Variants in SLC14A2 observed in about 807,000 individuals in gnomAD.
SLC14A2 encodes the protein urea transporter 2.
SLC14A2 carries 91 observed loss-of-function variants against 104.6 expected under a neutral mutation model. The observed-to-expected ratio is 0.87, with a 90% confidence interval of 0.73 to 1.04. The LOEUF (loss-of-function observed/expected upper bound fraction) is 1.04, where lower values mean the gene tolerates loss of function less well. Ranked by LOEUF, SLC14A2 falls within the 50% of genes least tolerant of loss-of-function variation. The pLI is 0.00. For synonymous variants in SLC14A2, 476 were observed against 466.4 expected (o/e 1.02, Z -0.27); for missense variants, 1,189 against 1,156.0 (o/e 1.03, Z -0.41).
chr18:45,339,164 A>ATG (rs1375825688), intron 1 of SLC14A2, among the ~76,000 whole-genome samples: 2 of 152,038 alleles, frequency 1.3e-5, no homozygotes, highest in Non-Finnish European at 2.9e-5. Flanking sequence ...GGGTTTTGCC[A>ATG]TGTTGGCCAG....
chr18:45,597,236 A>C (rs952884436), intron 2 of SLC14A2, among the ~76,000 whole-genome samples: 5 of 152,158 alleles, frequency 3.3e-5, no homozygotes, highest in Admixed American at 3.3e-4. Flanking sequence ...CTGAGGCAGG[A>C]GAATTGCTTG....
chr18:45,267,297 A>G (rs2084601709), intron 1 of SLC14A2, among the ~76,000 whole-genome samples: 1 of 152,122 alleles, frequency 6.6e-6, no homozygotes. Context: ...CCCCAAGTTC[A>G]GACCTCTTAG....
chr18:45,507,701 G>A (rs2043307158), intron 2 of SLC14A2, among the ~76,000 whole-genome samples: 1 of 152,156 alleles, frequency 6.6e-6, no homozygotes, highest in Non-Finnish European at 1.5e-5. Context: ...TGCCGTTTGG[G>A]GAGCGGACAT....
chr18:45,181,764 C>T, the SLC14A2 span, among the ~76,000 whole-genome samples: 2 of 151,878 alleles, frequency 1.3e-5, no homozygotes, highest in African/African-American at 4.8e-5. Flanking sequence ...ATTTGAAACT[C>T]ATAAGAAATA....
chr18:45,470,971 A>G (rs1412680391), intron 1 of SLC14A2, among the ~76,000 whole-genome samples: 3 of 149,786 alleles, frequency 2.0e-5, no homozygotes, highest in Non-Finnish European at 4.5e-5. Context: ...GTGTTCTCAA[A>G]TCATAATTTC....
At chr18:45,510,919 CAT>C (rs2144787056) in intron 2 of SLC14A2, among the ~76,000 whole-genome samples, 1 of 152,326 alleles carries the variant, frequency 6.6e-6, no homozygotes, top group African/African-American at 2.4e-5. Context: ...CACTCACACA[CAT>C]GCACACCAAA....
Position 45,621,999 on chromosome 18 carries a change from T to C in SLC14A2, c.-34-2632T>C, listed in dbSNP as rs187364865. Among the ~76,000 whole-genome samples, 9 of 152,260 alleles carry C rather than the reference T, an allele frequency of 5.9e-5. No individual in the cohort carries two copies. In the East Asian group the frequency reaches 1.7e-3, roughly 29 times the overall value. ...GAGGCCAGCATGGGGCCTGGAGTCATGGAGCCAGAAAGCAAGGGACTCACT... is the reference window on the plus strand; with the variant it reads ...GAGGCCAGCATGGGGCCTGGAGTCACGGAGCCAGAAAGCAAGGGACTCACT... On this transcript the variant is annotated intron_variant, in intron 1 of 19. Coordinates refer to ENST00000255226, the MANE Select transcript of SLC14A2 (RefSeq NM_007163.4).
At chr18:45,675,709 A>ATATATATTT (rs57989993) in intron 18 of SLC14A2, among the ~76,000 whole-genome samples, 26 of 78,384 alleles carry the variant, frequency 3.3e-4, no homozygotes, top group East Asian at 5.2e-4. Flanking sequence ...ATATATATAT[A>ATATATATTT]TTTTTTTTTT....
At chr18:45,411,716 G>A (rs1208157449) in intron 1 of SLC14A2, among the ~76,000 whole-genome samples, 4 of 152,168 alleles carry the variant, frequency 2.6e-5, no homozygotes, top group African/African-American at 9.6e-5. Flanking sequence ...GGACCACTCA[G>A]CCAGGGAAGA....
chr18:45,473,716 G>A (rs1364401078), intron 1 of SLC14A2, among the ~76,000 whole-genome samples: 1 of 152,142 alleles, frequency 6.6e-6, no homozygotes. Flanking sequence ...TGTGACTTTT[G>A]CACATTGATT....
At chr18:45,315,821 T>C (rs776893002) in intron 1 of SLC14A2, among the ~76,000 whole-genome samples, 9 of 152,222 alleles carry the variant, frequency 5.9e-5, no homozygotes, top group Non-Finnish European at 1.2e-4. Context: ...GAAGGAAATA[T>C]GTGGAGCTAA....
chr18:45,503,921 T>C (rs1413759990), intron 2 of SLC14A2, among the ~76,000 whole-genome samples: 1 of 152,208 alleles, frequency 6.6e-6, no homozygotes, highest in African/African-American at 2.4e-5. Context: ...TCAGCTGACT[T>C]ACCCAAAGTT....
intron 1 of SLC14A2, among the ~76,000 whole-genome samples, chr18:45,255,277 G>C (rs2084465387): frequency 6.6e-6 from 1 of 152,136 alleles, no homozygotes; most frequent in African/African-American, 2.4e-5. Context: ...ATCACCTCTA[G>C]TGTCACACCA....
rs2046327090 is a variant in SLC14A2 at position 45,682,543 on chromosome 18, G to T, written c.*24G>T. 1.9e-6 allele frequency: 3 copies of T among 1,595,824 alleles called. No individual in the cohort carries two copies. Among genetic ancestry groups the T allele is most frequent in the East Asian group, 4.5e-5 (2 of 44,818 alleles). ...AAGTTTCCCTGTCTAAAACACATCA[G>T]TGTAAATTCAGGCTTCAGCACGCCG... On this transcript the variant is annotated 3_prime_UTR_variant, in exon 20 of 20. Transcript: ENST00000255226.
intron 1 of SLC14A2, among the ~76,000 whole-genome samples, chr18:45,306,971 A>G (rs1173803977): frequency 6.6e-6 from 1 of 152,134 alleles, no homozygotes; most frequent in African/African-American, 2.4e-5. Context: ...CAGCCAGGCC[A>G]GCTCAGGAAT....
At chr18:45,328,577 G>T (rs1396387593) in intron 1 of SLC14A2, among the ~76,000 whole-genome samples, 3 of 152,214 alleles carry the variant, frequency 2.0e-5, no homozygotes, top group African/African-American at 7.2e-5. Flanking sequence ...TGGACATCAA[G>T]AAGTTGATAG....
chr18:45,493,875 G>A (rs992967942), intron 2 of SLC14A2, among the ~76,000 whole-genome samples: 2 of 152,158 alleles, frequency 1.3e-5, no homozygotes, highest in Admixed American at 6.5e-5. Context: ...CTTTTCACTT[G>A]AAACTTTGGT....
intron 1 of SLC14A2, among the ~76,000 whole-genome samples, chr18:45,274,410 C>T (rs1298647073): frequency 6.6e-6 from 1 of 152,150 alleles, no homozygotes; most frequent in East Asian, 1.9e-4. Context: ...TAAATGATGC[C>T]TTGACCATTG....
rs139862318 is a variant in SLC14A2 at position 45,573,792 on chromosome 18, G to A, written c.-34-50839G>A. ...AATTCTGTAGGCCAATGAGTAAAAT[G>A]TAAACATGGCCCAGCACAGAGTTCC... On this transcript the variant is annotated intron_variant, in intron 2 of 20. Transcript: ENST00000586448. 8.4e-4 allele frequency among the ~76,000 whole-genome samples: 128 copies of A among 152,306 alleles called. 1 individual carries two copies. In the Middle Eastern group the frequency reaches 0.014, roughly 16 times the overall value.
Sources: allele counts gnomAD v4.1 joint callset (sites outside exome capture counted in the v4.1 genomes callset), GRCh38; gene constraint gnomAD v4.1.1; transcripts MANE v1.5; gene names NCBI Gene and HGNC (gene_info 2026-07-23, HGNC 2026-07-21).